Variants in SCPEP1 observed in about 807,000 individuals in gnomAD.
SCPEP1 encodes the protein serine carboxypeptidase 1.
SCPEP1 carries 51 observed loss-of-function variants against 63.8 expected under a neutral mutation model. The observed-to-expected ratio is 0.80, with a 90% CI of 0.64 to 1.01. The LOEUF is 1.01. Among genes scored for constraint, SCPEP1 ranks in the 50% least tolerant of loss-of-function variants. The probability of loss-of-function intolerance (pLI) is 0.00; values close to 1 mark genes in which losing one functional copy is unlikely to be tolerated. For missense variants in SCPEP1, 499 were observed against 554.9 expected, an observed-to-expected ratio of 0.90 and a Z score of 1.01; for synonymous variants, 204 against 207.8, an observed-to-expected ratio of 0.98 and a Z score of 0.16.
chr17:56,991,135 G>T lies in SCPEP1; in HGVS notation c.583G>T (p.Gly195Trp). Residue 195 changes from glycine (G) to tryptophan (W), a missense_variant, in exon 6 of 13, where the codon GGG becomes TGG. Gly to Trp is a radical substitution (Grantham distance 184). Transcript: ENST00000262288. ...QRGTIKCNFA[G>W]VALGDSWISP... is the part of the protein sequence containing the mutation. ...AGGGACCATCAAGTGCAACTTTGCG[G>T]GGGTTGCCTTGGGTGATTCCTGGAT... 1 of 1,614,038 alleles carries T rather than the reference G, an allele frequency of 6.2e-7. No homozygotes were observed. The highest frequency in any genetic ancestry group is 1.1e-5 in the South Asian group (1 of 91,078).
At chr17:56,988,955 G>A (rs577318813) in intron 5 of SCPEP1, among the ~76,000 whole-genome samples, 2 of 152,272 alleles carry the variant, frequency 1.3e-5, no homozygotes, top group Admixed American at 1.3e-4. Flanking sequence ...GGGAAGCCCA[G>A]GCAGGAGGAC....
chr17:56,980,979 A>G, intron 1 of SCPEP1, 103 bp from the exon 2 acceptor site: 1 of 1,359,980 alleles, frequency 7.4e-7, no homozygotes. Flanking sequence ...ACCAAACTAT[A>G]AAACAAATCA....
intron 7 of SCPEP1, 47 bp from the exon 8 acceptor site, chr17:56,995,460 A>C: frequency 3.8e-6 from 6 of 1,595,430 alleles, no homozygotes; most frequent in Non-Finnish European, 5.1e-6. Context: ...TACCAGATTG[A>C]CGTTCCCAAG....
chr17:56,980,812 A>AAAAAAT (rs1299324495), intron 1 of SCPEP1, among the ~76,000 whole-genome samples: 3 of 141,746 alleles, frequency 2.1e-5, no homozygotes, highest in East Asian at 4.2e-4. Context: ...AAAAAAAAAA[A>AAAAAAT]GTGTTTCATA....
intron 2 of SCPEP1, chr17:56,982,736 ACTTTT>A (rs771145086): frequency 9.6e-5 from 14 of 146,386 alleles, no homozygotes; most frequent in Non-Finnish European, 2.0e-4. Context: ...CATCAGCAGA[ACTTTT>A]CTTTTTTTTT....
intron 2 of SCPEP1, 115 bp downstream of exon 2, chr17:56,981,345 G>GCACT: frequency 8.9e-7 from 1 of 1,125,442 alleles, no homozygotes; most frequent in Non-Finnish European, 1.3e-6. Flanking sequence ...GTCCAGCAGT[G>GCACT]TGACCTGGGG....
intron 4 of SCPEP1, 94 bp from the exon 5 acceptor site, chr17:56,988,122 C>G (rs1911279119): frequency 9.5e-7 from 1 of 1,053,770 alleles, no homozygotes; most frequent in Non-Finnish European, 1.4e-6. Context: ...TTTGTTTTTT[C>G]TGGTCATTAC....
rs1423901585 is a variant in SCPEP1, at chr17:56,992,010, A to T, written c.619+839A>T. Reference sequence around the variant, plus strand: ...AAACCAAACTATCGAGTTAGAAATCAGAAGAGAGGCTGCCTAGGGGCAAAG... The same window carrying T: ...AAACCAAACTATCGAGTTAGAAATCTGAAGAGAGGCTGCCTAGGGGCAAAG... On this transcript the variant is annotated intron_variant, in intron 6 of 12. Transcript: ENST00000262288. 2.0e-5 allele frequency among the ~76,000 whole-genome samples: 3 copies of T among 152,226 alleles called. No individual in the cohort carries two copies. In the East Asian group the frequency reaches 5.8e-4, roughly 29 times the overall value.
intron 5 of SCPEP1, among the ~76,000 whole-genome samples, chr17:56,988,930 T>A (rs374435074): frequency 2.0e-5 from 3 of 152,102 alleles, no homozygotes; most frequent in African/African-American, 7.2e-5. Context: ...CCCACGCCTA[T>A]AATCCCAGCA....
chr17:57,004,273 T>G (rs1314787015), intron 12 of SCPEP1, among the ~76,000 whole-genome samples: 1 of 152,154 alleles, frequency 6.6e-6, no homozygotes, highest in East Asian at 1.9e-4. Context: ...GCCTGTGGTC[T>G]CAGCTGCTCT....
intron 1 of SCPEP1, among the ~76,000 whole-genome samples, chr17:56,978,659 T>G (rs960873174): frequency 5.9e-5 from 9 of 152,222 alleles, no homozygotes; most frequent in African/African-American, 2.2e-4. Flanking sequence ...GATAAGGCCC[T>G]TTCTTTTCTT....
chr17:56,995,166 C>A, intron 7 of SCPEP1, 148 bp downstream of exon 7: 1 of 645,178 alleles, frequency 1.5e-6, no homozygotes, highest in Non-Finnish European at 2.6e-6. Flanking sequence ...AGTTGGAGAC[C>A]CAAAGCAAGA....
chr17:56,991,009 C>G, intron 5 of SCPEP1, 90 bp from the exon 6 acceptor site: 1 of 947,384 alleles, frequency 1.1e-6, no homozygotes, highest in East Asian at 2.4e-5. Context: ...TAGGCTCAAG[C>G]GATCCTCCTG....
chr17:56,983,912 T>C (rs1232828205), intron 2 of SCPEP1: 1 of 152,164 alleles, frequency 6.6e-6, no homozygotes, highest in African/African-American at 2.4e-5. Context: ...CATCTTTTTT[T>C]TCTTTTTCTT....
intron 2 of SCPEP1, among the ~76,000 whole-genome samples, chr17:56,981,633 A>G (rs1386337464): frequency 1.3e-5 from 2 of 152,094 alleles, no homozygotes; most frequent in African/African-American, 2.4e-5. Flanking sequence ...TGGCCGACAT[A>G]GTGAAACGCT....
intron 12 of SCPEP1, among the ~76,000 whole-genome samples, chr17:57,005,884 T>G (rs1161691923): frequency 2.0e-5 from 3 of 152,188 alleles, no homozygotes; most frequent in Non-Finnish European, 4.4e-5. Flanking sequence ...AGCATGACCC[T>G]TACCAAGAAA....
intron 10 of SCPEP1, among the ~76,000 whole-genome samples, chr17:57,000,133 G>A (rs1911696005): frequency 6.6e-6 from 1 of 152,148 alleles, no homozygotes; most frequent in African/African-American, 2.4e-5. Flanking sequence ...CTGGGTGACA[G>A]GGTGAGACTC....
chr17:57,001,580 G>T (rs8069808), intron 11 of SCPEP1, among the ~76,000 whole-genome samples: 3,004 of 152,300 alleles, frequency 0.02, 99 homozygotes, highest in African/African-American at 0.067. Context: ...CAGAAGGATT[G>T]AATATTTTTG....
At position 56,989,035 on chromosome 17, in the gene SCPEP1, A is replaced by T. The variant is rs116462427; in HGVS notation, c.546+745A>T. Among the ~76,000 whole-genome samples the T allele has an allele frequency of 8.8e-3, 1,338 of 152,098 alleles. 18 individuals carry two copies. Among genetic ancestry groups the T allele is most frequent in the African/African-American group, 0.026 (1,096 of 41,498 alleles). On this transcript the variant is annotated intron_variant, in intron 5 of 12. Transcript: ENST00000262288. Reference sequence around the variant, plus strand: ...CACCCTGTTTCTACAAAAAAAAAAAAAATAATAAGCTGGGCACAGTGGCTC... The same window carrying T: ...CACCCTGTTTCTACAAAAAAAAAAATAATAATAAGCTGGGCACAGTGGCTC...
Sources: allele counts gnomAD v4.1 joint callset (sites outside exome capture counted in the v4.1 genomes callset), GRCh38; gene constraint gnomAD v4.1.1; transcripts MANE v1.5; gene names NCBI Gene and HGNC (gene_info 2026-07-23, HGNC 2026-07-21).